MAX: variants seen among roughly 807,000 people sequenced by gnomAD.
The protein encoded by MAX is protein max.
Under a neutral mutation model 22.3 loss-of-function variants are expected in MAX, and 3 were observed. The ratio of observed to expected loss-of-function variants is 0.13; its 90% CI spans 0.06 to 0.35. The LOEUF is 0.35. MAX is among the 10% of genes least tolerant of loss of function. The probability of loss-of-function intolerance (pLI) is 1.00; values close to 1 mark genes in which losing one functional copy is unlikely to be tolerated. For synonymous variants in MAX, 72 were observed against 77.7 expected, an observed-to-expected ratio of 0.93 and a Z score of 0.39; for missense variants, 119 against 209.4, an observed-to-expected ratio of 0.57 and a Z score of 2.66.
intron 3 of MAX, among the ~76,000 whole-genome samples, chr14:65,039,618 G>T (rs1010533985): frequency 6.6e-6 from 1 of 152,010 alleles, no homozygotes; most frequent in Non-Finnish European, 1.5e-5. Flanking sequence ...GGTAGGAAAG[G>T]TTTCTCTATT....
intron 1 of MAX, among the ~76,000 whole-genome samples, chr14:65,101,973 G>A (rs2063857910): frequency 6.6e-6 from 1 of 152,202 alleles, no homozygotes; most frequent in South Asian, 2.1e-4. Context: ...CCTGGATCCG[G>A]ACAATGGGAT....
Position 65,027,732 on chromosome 14 carries a change from C to CA in MAX, c.172-21449dup. 1 of 1,614,202 alleles carries CA rather than the reference C, an allele frequency of 6.2e-7. No homozygotes were observed. Among genetic ancestry groups the CA allele is most frequent in the Non-Finnish European group, 8.5e-7 (1 of 1,180,044 alleles). On this transcript the variant is annotated intron_variant, in intron 3 of 3. Coordinates refer to the MAX transcript ENST00000341653. The surrounding 1 kb of genome is among the most constrained non-coding windows in gnomAD (Gnocchi z 5.7). ...TCTTCAGTATTTGTACTCCCTGAAG[C>CA]AACCTGACGGCTCCTTTCTCATGCA...
At chr14:65,061,120 A>G in intron 3 of MAX, 1 of 1,595,542 alleles carries the variant, frequency 6.3e-7, no homozygotes, top group Non-Finnish European at 8.6e-7. Flanking sequence ...GGAGCAAAGG[A>G]TGTGTTATGT....
At chr14:65,068,467 CAT>C (rs2062954060) in intron 3 of MAX, among the ~76,000 whole-genome samples, 2 of 152,178 alleles carry the variant, frequency 1.3e-5, no homozygotes, top group African/African-American at 2.4e-5. Context: ...AGTTATGCTC[CAT>C]ATGTTTGAAG....
chr14:65,071,936 ATTT>A (rs992700664), downstream of MAX, among the ~76,000 whole-genome samples: 1 of 152,172 alleles, frequency 6.6e-6, no homozygotes, highest in African/African-American at 2.4e-5. This position sits in a 1 kb window ranked among gnomAD's most constrained non-coding sequence, Gnocchi z 4.2. Flanking sequence ...ACTAGAAACT[ATTT>A]TTTATTCCCT....
Position 65,009,636 on chromosome 14 carries a change from C to T in MAX, c.172-3352G>A, listed in dbSNP as rs956224538. Among the ~76,000 whole-genome samples, 5 of 152,144 alleles carry T rather than the reference C, an allele frequency of 3.3e-5. No individual in the cohort carries two copies. The highest frequency in any genetic ancestry group is 1.2e-4 in the African/African-American group (5 of 41,414). ...GCCCTCCTCCATCCTCTTTACAGAC[C>T]TTCCCTATGGATTTCCTCTGAGCTT... On this transcript the variant is annotated intron_variant, in intron 3 of 3. Coordinates refer to the MAX transcript ENST00000341653. This position sits in a 1 kb window ranked among gnomAD's most constrained non-coding sequence, Gnocchi z 4.2.
At chr14:65,100,032 T>G (rs909445864) in intron 2 of MAX, among the ~76,000 whole-genome samples, 1 of 152,224 alleles carries the variant, frequency 6.6e-6, no homozygotes, top group Non-Finnish European at 1.5e-5. Flanking sequence ...GTTATCAAGT[T>G]CTTATACCAG....
At chr14:65,039,727 T>G (rs1440814763) in intron 3 of MAX, among the ~76,000 whole-genome samples, 9 of 152,272 alleles carry the variant, frequency 5.9e-5, no homozygotes, top group Non-Finnish European at 1.0e-4. Context: ...AAAAGAGGTT[T>G]ATTTGGCTCA....
In MAX at chr14:65,084,396, C is replaced by CA. The variant is rs200104462; in HGVS notation, c.172-6361dup. On this transcript the variant is annotated intron_variant, in intron 3 of 4. Coordinates refer to ENST00000358664, the MANE Select transcript of MAX (RefSeq NM_002382.5). This position sits in a 1 kb window ranked among gnomAD's most constrained non-coding sequence, Gnocchi z 4.3. Reference sequence around the variant, plus strand: ...GTTTACTGAATTAGTTACCCTCTTCCAAAAAAAAAAATTCCAGTGATAATG... The same window carrying CA: ...GTTTACTGAATTAGTTACCCTCTTCCAAAAAAAAAAAATTCCAGTGATAATG... The CA allele has an allele frequency of 0.045, 22,512 of 501,032 alleles. No homozygotes were observed. The highest frequency in any genetic ancestry group is 0.061 in the East Asian group (1,391 of 22,934). The allele number at this position is 501,032 out of a possible 1,614,324, so 31.0% of individuals were successfully genotyped here.
chr14:65,051,547 G>A (rs923523192), intron 3 of MAX, among the ~76,000 whole-genome samples: 2 of 151,640 alleles, frequency 1.3e-5, no homozygotes, highest in Non-Finnish European at 2.9e-5. Flanking sequence ...GGAGGCGGAG[G>A]TTGCAGTGAG....
chr14:65,061,396 T>C, intron 3 of MAX: 1 of 1,573,654 alleles, frequency 6.4e-7, no homozygotes, highest in South Asian at 1.2e-5. Context: ...CTGCATTCTG[T>C]GCTACACAAG....
rs774556961 is a variant in MAX at position 65,102,391 on chromosome 14, G to A, written c.-52C>T. Reference sequence around the variant, plus strand: ...GCAGCGGCGGCGGGGAGGGGAAGGGGTGAAGGGGAGGGGGAAGTCACCGAC... The same window carrying A: ...GCAGCGGCGGCGGGGAGGGGAAGGGATGAAGGGGAGGGGGAAGTCACCGAC... On this transcript the variant is annotated 5_prime_UTR_variant, in exon 1 of 5. Transcript: ENST00000358664. The A allele has an allele frequency of 1.2e-5, 19 of 1,599,148 alleles. No individual in the cohort carries two copies. The highest frequency in any genetic ancestry group is 2.3e-5 in the East Asian group (1 of 43,858).
chr14:65,016,402 A>G (rs2061774142), intron 3 of MAX: 1 of 152,280 alleles, frequency 6.6e-6, no homozygotes, highest in Admixed American at 6.5e-5. Context: ...AAGAAAGGGC[A>G]GCCAGGAATT....
chr14:65,042,461 G>A (rs768938961), intron 3 of MAX, among the ~76,000 whole-genome samples: 2 of 152,112 alleles, frequency 1.3e-5, no homozygotes, highest in African/African-American at 2.4e-5. Context: ...TAGGGTTTGC[G>A]CTCCTATGAG....
chr14:65,035,283 A>G (rs144997159), intron 3 of MAX, among the ~76,000 whole-genome samples: 70 of 152,218 alleles, frequency 4.6e-4, no homozygotes, highest in Middle Eastern at 3.4e-3. Flanking sequence ...GGGGGAAGGG[A>G]GGGACTAACT....
chr14:65,024,934 T>C (rs1023190967), intron 3 of MAX, among the ~76,000 whole-genome samples: 1 of 152,148 alleles, frequency 6.6e-6, no homozygotes, highest in Non-Finnish European at 1.5e-5. Context: ...TTTTTGTTTG[T>C]TTGTTTTTTT....
chr14:65,052,838 T>C (rs1410150069), intron 3 of MAX, among the ~76,000 whole-genome samples: 1 of 152,186 alleles, frequency 6.6e-6, no homozygotes, highest in Non-Finnish European at 1.5e-5. Context: ...TAACAAGTTA[T>C]AGAGATATGC....
At chr14:65,025,921 G>A (rs2061971606) in intron 3 of MAX, among the ~76,000 whole-genome samples, 1 of 152,202 alleles carries the variant, frequency 6.6e-6, no homozygotes, top group South Asian at 2.1e-4. Context: ...AGTATGTGTT[G>A]TTTTAACCTG....
intron 3 of MAX, among the ~76,000 whole-genome samples, chr14:65,059,207 G>C (rs898856461): frequency 4.6e-5 from 7 of 152,030 alleles, no homozygotes; most frequent in African/African-American, 1.7e-4. Context: ...ATTTTTTGTA[G>C]AGACAGGGTT....
Sources: gnomAD v4.1 joint callset for allele counts (sites outside exome capture counted in the v4.1 genomes callset) on GRCh38, gnomAD v4.1.1 for gene constraint, Gnocchi (gnomAD v3.1) non-coding constraint, MANE v1.5 for transcripts, NCBI Gene and HGNC (gene_info 2026-07-23, HGNC 2026-07-21) for gene names.